FAM228B: variants seen among roughly 807,000 people sequenced by gnomAD.
The protein encoded by FAM228B is protein FAM228B.
In FAM228B, 38 loss-of-function variants were observed where a neutral mutation model predicts 42.6. The ratio of observed to expected loss-of-function variants is 0.89; its 90% CI spans 0.69 to 1.17. FAM228B has a LOEUF of 1.17. FAM228B is among the 50% of genes most tolerant of loss of function. The pLI is 0.00. For synonymous variants in FAM228B, 109 were observed against 122.3 expected, an observed-to-expected ratio of 0.89 and a Z score of 0.72; for missense variants, 344 against 367.3, an observed-to-expected ratio of 0.94 and a Z score of 0.52.
At chr2:24,128,676 T>A (rs1323036902) in intron 2 of FAM228B, among the ~76,000 whole-genome samples, 1 of 151,908 alleles carries the variant, frequency 6.6e-6, no homozygotes, top group African/African-American at 2.4e-5. Context: ...GAGTACTAGA[T>A]ATTTTTGATT....
At position 24,138,096 on chromosome 2, in the gene FAM228B, A is replaced by G; in HGVS notation, c.356A>G (p.Lys119Arg). 1 of 1,529,634 alleles carries G rather than the reference A, an allele frequency of 6.5e-7. No homozygotes were observed. Among genetic ancestry groups the G allele is most frequent in the Non-Finnish European group, 8.8e-7 (1 of 1,140,370 alleles). The allele number at this position is 1,529,634 out of a possible 1,614,324, so 94.8% of individuals were successfully genotyped here. The change falls in exon 4 of 11, where the codon AAA becomes AGA. Residue 119 changes from lysine (K) to arginine (R), a missense_variant. Physicochemically the swap from Lys to Arg is conservative, Grantham distance 26. Transcript: ENST00000615575. ...ELDGFLKHVNKKGNAFIEHYD... is the reference protein window; with the variant it reads ...ELDGFLKHVNRKGNAFIEHYD... ...GATGGCTTTTTAAAACATGTAAATA[A>G]AAAGGTACTAAGAGATCATTTGATG...
chr2:24,135,000 C>T (rs1052087000), intron 2 of FAM228B, 119 bp from the exon 3 acceptor site: 2 of 657,252 alleles, frequency 3.0e-6, no homozygotes, highest in Non-Finnish European at 5.3e-6. Flanking sequence ...TTGGAGGAAA[C>T]AAACTGCATG....
At chr2:24,086,106 G>A (rs1242393762) in intron 2 of FAM228B, among the ~76,000 whole-genome samples, 1 of 151,464 alleles carries the variant, frequency 6.6e-6, no homozygotes, top group African/African-American at 2.4e-5. Context: ...GTGGTGGCGG[G>A]CGCCTGTAGT....
At position 24,123,494 on chromosome 2, in the gene FAM228B, AGGGGGC is replaced by A. The variant is rs1304736813; in HGVS notation, c.-69_-64del. 1 of 152,088 alleles carries A rather than the reference AGGGGGC, an allele frequency of 6.6e-6. No individual in the cohort carries two copies. The highest frequency in any genetic ancestry group is 1.5e-5 in the Non-Finnish European group (1 of 68,010). 9.4% of individuals were successfully genotyped at this position (152,088 alleles called of 1,614,324 possible). A position where few individuals can be genotyped will look rare whatever the true frequency, so the allele number is the denominator to read the frequency against. On this transcript the variant is annotated 5_prime_UTR_variant, in exon 1 of 11. Transcript: ENST00000615575. The stretch of plus-strand genomic sequence containing the variant: ...GGACTCGCTGTGGAACCCGCGGCGC[AGGGGGC>A]GGAGTGCTCGCGCGGCGCTGCGTCC...
intron 9 of FAM228B, chr2:24,165,499 C>T (rs144561756): frequency 0.023 from 11,046 of 470,698 alleles, 185 homozygotes; most frequent in Non-Finnish European, 0.033. Flanking sequence ...GAGCCCTCCA[C>T]GGTCAGCTGC....
chr2:24,122,418 C>T (rs767245973), upstream of FAM228B: 1 of 1,604,292 alleles, frequency 6.2e-7, no homozygotes, highest in South Asian at 1.1e-5. Flanking sequence ...TTTTTTCTTA[C>T]ATTGAAACCT....
chr2:24,080,114 TG>T lies in FAM228B; in HGVS notation c.-289-759del, dbSNP rs1312204308. Among the ~76,000 whole-genome samples the T allele has an allele frequency of 3.3e-5, 5 of 152,234 alleles. No homozygotes were observed. In the East Asian group the frequency reaches 9.6e-4, roughly 29 times the overall value. On this transcript the variant is annotated intron_variant, in intron 1 of 10. Transcript: ENST00000613899. This position sits in a 1 kb window ranked among gnomAD's most constrained non-coding sequence, Gnocchi z 4.7. Reference sequence around the variant, plus strand: ...GCTCATGCCTGTAATCCCAGTACTTTGGGAGGCTGAGGCAGGTGGATCACCT... The same window carrying T: ...GCTCATGCCTGTAATCCCAGTACTTTGGAGGCTGAGGCAGGTGGATCACCT...
chr2:24,104,550 G>A (rs978938023), intron 3 of FAM228B, among the ~76,000 whole-genome samples: 1 of 152,200 alleles, frequency 6.6e-6, no homozygotes, highest in African/African-American at 2.4e-5. Context: ...AGCCAGGCGG[G>A]CAACACCTGC....
chr2:24,138,696 C>T (rs1573768823), intron 4 of FAM228B, among the ~76,000 whole-genome samples: 2 of 151,278 alleles, frequency 1.3e-5, no homozygotes, highest in Admixed American at 6.6e-5. Flanking sequence ...TGGCTCACAC[C>T]TGTAATCCCA....
intron 7 of FAM228B, among the ~76,000 whole-genome samples, chr2:24,160,309 CTACTGGTATA>C (rs1433809823): frequency 1.3e-5 from 2 of 151,950 alleles, no homozygotes; most frequent in Non-Finnish European, 2.9e-5. Flanking sequence ...TTTATTTAAC[CTACTGGTATA>C]TGTTGTGCTT....
In FAM228B at chr2:24,158,196, C is replaced by CTTTTTTTTTTTTTTTTTTTTTTT. The variant is rs1322122366; in HGVS notation, c.687-3293_687-3292insTTTTTTTTTTTTTTTTTTTTTTT. ...ATGCTGGGCTTTCTCTCTGAACCTCCTTTTTTTTTTTTTTTTTCCAAAACA... is the reference window on the plus strand; with the variant it reads ...ATGCTGGGCTTTCTCTCTGAACCTCCTTTTTTTTTTTTTTTTTTTTTTTTTTTTTTTTTTTTTTTTCCAAAACA... On this transcript the variant is annotated intron_variant, in intron 7 of 10. Coordinates refer to ENST00000615575, the MANE Select transcript of FAM228B (RefSeq NM_001145710.2). Among the ~76,000 whole-genome samples, 100 of 53,200 alleles carry CTTTTTTTTTTTTTTTTTTTTTTT rather than the reference C, an allele frequency of 1.9e-3. 39 individuals are homozygous for CTTTTTTTTTTTTTTTTTTTTTTT. The highest frequency in any genetic ancestry group is 2.3e-3 in the African/African-American group (25 of 10,774). The allele number at this position is 53,200 out of a possible 152,430, so 34.9% of individuals were successfully genotyped here.
intron 2 of FAM228B, among the ~76,000 whole-genome samples, chr2:24,081,851 A>C (rs975426019): frequency 6.6e-6 from 1 of 151,624 alleles, no homozygotes; most frequent in Non-Finnish European, 1.5e-5. Flanking sequence ...GCCCACCACC[A>C]CGCCCAGCTA....
chr2:24,163,942 GA>G (rs1667338528), intron 8 of FAM228B, among the ~76,000 whole-genome samples: 1 of 152,180 alleles, frequency 6.6e-6, no homozygotes, highest in African/African-American at 2.4e-5. Flanking sequence ...ACAACTCTAT[GA>G]GGGATCATTC....
chr2:24,164,010 A>G (rs1355354000), intron 8 of FAM228B, among the ~76,000 whole-genome samples, 188 bp from the exon 9 acceptor site: 2 of 152,238 alleles, frequency 1.3e-5, no homozygotes, highest in Non-Finnish European at 2.9e-5. Flanking sequence ...AGCTGAAACT[A>G]TGACTAGAGC....
At chr2:24,145,430 A>G (rs1460994684) in intron 5 of FAM228B, among the ~76,000 whole-genome samples, 15 of 152,212 alleles carry the variant, frequency 9.9e-5, no homozygotes, top group Admixed American at 9.8e-4. Context: ...TCAAAGCCAA[A>G]GTGTCCTACC....
chr2:24,164,629 G>C (rs1371833675), intron 9 of FAM228B, among the ~76,000 whole-genome samples: 1 of 151,530 alleles, frequency 6.6e-6, no homozygotes. Flanking sequence ...GGTGGGCCAC[G>C]CTGTCCAGGA....
chr2:24,163,502 G>T (rs150166540), intron 8 of FAM228B, among the ~76,000 whole-genome samples: 3 of 152,274 alleles, frequency 2.0e-5, no homozygotes, highest in African/African-American at 7.2e-5. Flanking sequence ...GTAGCTGAAG[G>T]CCTTAAAAGA....
Position 24,161,531 on chromosome 2 carries a change from G to T in FAM228B, c.712G>T (p.Asp238Tyr). 6.5e-7 allele frequency: 1 copy of T among 1,543,792 alleles called. No individual in the cohort carries two copies. Among genetic ancestry groups the T allele is most frequent in the East Asian group, 2.4e-5 (1 of 40,884 alleles). Reference sequence around the variant, plus strand: ...GTTAAAGGTGAAAGTGAATTTTAATGACTGTAGTTTTGATTTGAAACCTTT... The same window carrying T: ...GTTAAAGGTGAAAGTGAATTTTAATTACTGTAGTTTTGATTTGAAACCTTT... Reference protein sequence around the residue: ...RRLKVKVNFNDCSFDLKPLAR... With the variant: ...RRLKVKVNFNYCSFDLKPLAR... Residue 238 changes from aspartate (D) to tyrosine (Y), a missense_variant, in exon 8 of 11, where the codon GAC becomes TAC. Coordinates refer to ENST00000615575, the MANE Select transcript of FAM228B (RefSeq NM_001145710.2).
chr2:24,146,656 A>G (rs1666900886), intron 5 of FAM228B, 92 bp from the exon 6 acceptor site: 1 of 740,940 alleles, frequency 1.3e-6, no homozygotes, highest in East Asian at 2.7e-5. Context: ...TCCCGGCATA[A>G]GAGCCATCCA....
Sources: gnomAD v4.1 joint callset for allele counts (sites outside exome capture counted in the v4.1 genomes callset) on GRCh38, gnomAD v4.1.1 for gene constraint, Gnocchi (gnomAD v3.1) non-coding constraint, MANE v1.5 for transcripts, NCBI Gene and HGNC (gene_info 2026-07-23, HGNC 2026-07-21) for gene names.